MYH7B: variants seen among roughly 807,000 people sequenced by gnomAD.
MYH7B encodes the protein myosin heavy chain 7B.
Under a neutral mutation model 234.5 loss-of-function variants are expected in MYH7B, and 205 were observed. The ratio of observed to expected loss-of-function variants is 0.87; its 90% CI spans 0.78 to 0.98. The LOEUF (loss-of-function observed/expected upper bound fraction) is 0.98, where lower values mean the gene tolerates loss of function less well. Ranked by LOEUF, MYH7B falls within the 50% of genes least tolerant of loss-of-function variation. The pLI is 0.00. For missense variants in MYH7B, 2,652 were observed against 2,633.4 expected (o/e 1.01, Z -0.15); for synonymous variants, 1,193 against 1,105.0 (o/e 1.08, Z -1.58).
chr20:34,989,875 C>T lies in MYH7B; in HGVS notation c.1723C>T (p.Arg575Cys), dbSNP rs764044547. 17 of 1,614,044 alleles carry T rather than the reference C, an allele frequency of 1.1e-5. No homozygotes were observed. The highest frequency in any genetic ancestry group is 2.7e-5 in the African/African-American group (2 of 74,922). The change falls in exon 20 of 45, where the codon CGC (arginine) becomes TGC (cysteine). Residue 575 changes from arginine (R) to cysteine (C), a missense_variant. Physicochemically the swap from Arg to Cys is radical, Grantham distance 180 (BLOSUM62 -3). This residue lies in a region of MYH7B where 2,279 missense variants were observed against 2,211.4 expected (regional missense o/e 1.03). Transcript: ENST00000262873. Reference sequence around the variant, plus strand: ...CCAGCAGCCTCGGCCTGACAAGAAGCGCAAGTACCAGGCCCACTTCGAGGT... The same window carrying T: ...CCAGCAGCCTCGGCCTGACAAGAAGTGCAAGTACCAGGCCCACTTCGAGGT...
chr20:34,973,925 AT>A (rs34442200), intron 2 of MYH7B, among the ~76,000 whole-genome samples: 24,506 of 121,184 alleles, frequency 0.2, 2,205 homozygotes, highest in Middle Eastern at 0.36. Context: ...TGCCTGGCTA[AT>A]TTTTTTTTTT....
exon 16 of MYH7B, chr20:34,987,175 C>T (rs772026348): frequency 8.1e-6 from 13 of 1,613,340 alleles, no homozygotes; most frequent in Admixed American, 1.7e-5. Flanking sequence ...TAGGCTTCAG[C>T]GTGGATGAGA....
At chr20:34,979,184 C>G (rs2081901953) in intron 5 of MYH7B, among the ~76,000 whole-genome samples, 1 of 152,188 alleles carries the variant, frequency 6.6e-6, no homozygotes, top group Admixed American at 6.5e-5. Context: ...CAGACTCATC[C>G]TCCAATAAGG....
chr20:35,000,513 C>G (rs920948896), exon 39 of MYH7B: 14 of 1,594,892 alleles, frequency 8.8e-6, no homozygotes, highest in Non-Finnish European at 1.2e-5. Flanking sequence ...GGACGAGGAG[C>G]AGCGGCTGGC....
intron 1 of MYH7B, among the ~76,000 whole-genome samples, chr20:34,957,031 G>A (rs1371820863): frequency 6.6e-6 from 1 of 152,254 alleles, no homozygotes; most frequent in Non-Finnish European, 1.5e-5. Context: ...TCCTGCCTGG[G>A]TGACAGCGTG....
intron 22 of MYH7B, 91 bp downstream of exon 22, chr20:34,990,401 G>T (rs757379565): frequency 7.0e-7 from 1 of 1,436,166 alleles, no homozygotes; most frequent in Non-Finnish European, 9.8e-7. Flanking sequence ...CCTTGGGCGG[G>T]CGGCTGTTAA....
At chr20:34,998,999 G>T (rs1472287375) in intron 35 of MYH7B, 57 bp from the exon 36 acceptor site, 10 of 1,581,322 alleles carry the variant, frequency 6.3e-6, no homozygotes, top group Non-Finnish European at 8.6e-6. Flanking sequence ...GAAGGGAGCT[G>T]CTGGGGCTGT....
chr20:34,987,045 C>T, intron 15 of MYH7B, 56 bp downstream of exon 15: 1 of 1,608,518 alleles, frequency 6.2e-7, no homozygotes, highest in South Asian at 1.1e-5. Flanking sequence ...AATCGGGCAG[C>T]ACTGCCGGTG....
exon 45 of MYH7B, chr20:35,002,277 G>GC (rs1206068167): frequency 2.1e-6 from 3 of 1,414,166 alleles, no homozygotes; most frequent in Non-Finnish European, 2.8e-6. Flanking sequence ...TCTCTGCATC[G>GC]CCCCCTGCTG....
intron 43 of MYH7B, 113 bp downstream of exon 43, chr20:35,001,639 G>A: frequency 2.1e-6 from 2 of 956,376 alleles, no homozygotes; most frequent in Non-Finnish European, 3.2e-6. Context: ...GTGACCCAGA[G>A]GGAAGAGAGA....
At chr20:35,001,899 A>C in intron 43 of MYH7B, 49 bp from the exon 44 acceptor site, 1 of 1,586,574 alleles carries the variant, frequency 6.3e-7, no homozygotes, top group Non-Finnish European at 8.6e-7. Context: ...GGACCAGAAT[A>C]AGCATCTCAG....
In MYH7B at chr20:34,996,522, C is replaced by T. The variant is rs367714841; in HGVS notation, c.3120C>T (p.Asp1040=). Residue 1040 remains aspartate (D), a splice_region_variant and synonymous_variant, in exon 29 of 45, where the codon GAC becomes GAT. Coordinates refer to ENST00000262873, the Ensembl canonical transcript of MYH7B. ...TCCGGCTGGAGCAACAGGTGGAGGA[C>T]GTGAGTCAGGGCCACCCCGAGACTG... is the stretch of plus-strand genomic sequence containing the variant. 35 of 1,609,618 alleles carry T rather than the reference C, an allele frequency of 2.2e-5. No homozygotes were observed. The East Asian group carries it at 4.2e-4, about 19-fold the overall frequency.
At chr20:34,991,089 C>T (rs769883264) in exon 24 of MYH7B, 2 of 1,613,246 alleles carry the variant, frequency 1.2e-6, no homozygotes, top group Admixed American at 3.3e-5. Context: ...AAGGGTTCCC[C>T]AACAGGTTGC....
intron 24 of MYH7B, among the ~76,000 whole-genome samples, chr20:34,992,015 C>G (rs6058153): frequency 6.6e-6 from 1 of 152,138 alleles, no homozygotes; most frequent in Non-Finnish European, 1.5e-5. Flanking sequence ...TGTAGCCCAC[C>G]TGACCCACAC....
chr20:34,959,430 A>G (rs1433900328), intron 2 of MYH7B, among the ~76,000 whole-genome samples: 1 of 151,738 alleles, frequency 6.6e-6, no homozygotes, highest in East Asian at 1.9e-4. Context: ...TGCAGAAGTC[A>G]TCTCACCTCT....
At chr20:34,985,758 TACACAGACAC>T (rs111306714) in intron 13 of MYH7B, among the ~76,000 whole-genome samples, 44 of 152,116 alleles carry the variant, frequency 2.9e-4, no homozygotes, top group African/African-American at 9.4e-4. Flanking sequence ...CCCTGACCCC[TACACAGACAC>T]ACACAGACAC....
exon 45 of MYH7B, chr20:35,002,247 C>T: frequency 1.3e-6 from 2 of 1,495,794 alleles, no homozygotes; most frequent in Non-Finnish European, 1.8e-6. Context: ...TGGCTGAGGC[C>T]ACCTGCCCCG....
intron 7 of MYH7B, chr20:34,980,084 C>T: frequency 2.1e-6 from 1 of 486,058 alleles, no homozygotes; most frequent in South Asian, 2.4e-5. Context: ...CTATGGAGGC[C>T]GTGCGTGTGG....
intron 2 of MYH7B, among the ~76,000 whole-genome samples, chr20:34,969,322 A>G (rs1161561844): frequency 1.3e-5 from 2 of 152,160 alleles, no homozygotes; most frequent in Non-Finnish European, 2.9e-5. Flanking sequence ...CACTTTAAAA[A>G]TAGGTTATAC....
Sources: allele counts gnomAD v4.1 joint callset (sites outside exome capture counted in the v4.1 genomes callset), GRCh38; gene constraint gnomAD v4.1.1; regional missense constraint gnomAD v4.1.1; transcripts MANE v1.5; gene names NCBI Gene and HGNC (gene_info 2026-07-23, HGNC 2026-07-21).